GRAMD1B: variants seen among roughly 807,000 people sequenced by gnomAD.
GRAMD1B encodes GRAM domain containing 1B, also known as protein Aster-B.
In GRAMD1B, 37 loss-of-function variants were observed where a neutral mutation model predicts 99.7. The ratio of observed to expected loss-of-function variants is 0.37; its 90% CI spans 0.29 to 0.49. The LOEUF (loss-of-function observed/expected upper bound fraction) is 0.49, where lower values mean the gene tolerates loss of function less well. Among genes scored for constraint, GRAMD1B ranks in the 20% least tolerant of loss-of-function variants. The pLI, the probability that GRAMD1B is intolerant of heterozygous loss-of-function variation, is 0.98. For missense variants in GRAMD1B, 888 were observed against 1,009.2 expected, an observed-to-expected ratio of 0.88 and a Z score of 1.63; for synonymous variants, 427 against 387.6, an observed-to-expected ratio of 1.10 and a Z score of -1.19.
intron 1 of GRAMD1B, among the ~76,000 whole-genome samples, chr11:123,418,203 C>T (rs1254831656): frequency 6.6e-6 from 1 of 152,208 alleles, no homozygotes; most frequent in Non-Finnish European, 1.5e-5. Flanking sequence ...GACTTGCAGA[C>T]ATCCTTCAAA....
intron 2 of GRAMD1B, among the ~76,000 whole-genome samples, chr11:123,545,447 A>G (rs974107709): frequency 1.6e-4 from 25 of 152,208 alleles, no homozygotes; most frequent in African/African-American, 5.8e-4. Context: ...GACCTAGTCC[A>G]TCAGAATATC....
Position 123,606,655 on chromosome 11 carries a change from C to A in GRAMD1B, c.1370C>A (p.Ser457Tyr), listed in dbSNP as rs747509131. The change falls in exon 11 of 20, where the codon TCC becomes TAC. Residue 457 changes from serine (S) to tyrosine (Y), a missense_variant. By Grantham distance (144) the Ser-to-Tyr change is moderately radical. Transcript: ENST00000635736. The stretch of plus-strand genomic sequence containing the variant: ...GAAGAGGCGCTGGAGGGAGACGGGT[C>A]CCTGGAAAAGGAGCTCGCCATTGAC... Reference protein sequence around the residue: ...LEEEALEGDGSLEKELAIDNI... With the variant: ...LEEEALEGDGYLEKELAIDNI... 8.1e-6 allele frequency: 13 copies of A among 1,612,962 alleles called. No homozygotes were observed. The highest frequency in any genetic ancestry group is 2.7e-5 in the African/African-American group (2 of 74,886).
rs532553054 is a variant in GRAMD1B, at chr11:123,500,436, A to G, written c.452+19543A>G. Among the ~76,000 whole-genome samples the G allele has an allele frequency of 3.9e-5, 6 of 152,332 alleles. No homozygotes were observed. In the East Asian group the frequency reaches 1.2e-3, roughly 29 times the overall value. The stretch of plus-strand genomic sequence containing the variant: ...TCCATACATTTCTTCTTCAGTACCT[A>G]TAGCAAATGGTTATATGCTTGTATG... On this transcript the variant is annotated intron_variant, in intron 2 of 19. Transcript: ENST00000635736.
At chr11:123,519,291 A>T (rs1941968776) in intron 2 of GRAMD1B, among the ~76,000 whole-genome samples, 1 of 152,150 alleles carries the variant, frequency 6.6e-6, no homozygotes, top group African/African-American at 2.4e-5. Flanking sequence ...TGGGGAGAGG[A>T]GAGTGCCAAG....
At chr11:123,578,476 G>A (rs771709294) in intron 3 of GRAMD1B, 31 of 1,396,338 alleles carry the variant, frequency 2.2e-5, no homozygotes, top group Non-Finnish European at 2.0e-5. Context: ...CTCTAGTGTC[G>A]ATCTGTCTGT....
chr11:123,608,606 C>T (rs1248543263), intron 11 of GRAMD1B, 53 bp from the exon 12 acceptor site: 4 of 1,558,946 alleles, frequency 2.6e-6, no homozygotes, highest in East Asian at 4.8e-5. Flanking sequence ...GTCCCTGGGG[C>T]CCCCTCCCCC....
upstream of GRAMD1B, among the ~76,000 whole-genome samples, chr11:123,429,831 T>C (rs546103498): frequency 2.3e-4 from 35 of 152,308 alleles, 1 homozygote; most frequent in South Asian, 6.6e-3. This position sits in a 1 kb window ranked among gnomAD's most constrained non-coding sequence, Gnocchi z 4.0. Context: ...CCTCTGACTA[T>C]ACTCCGGCCT....
At chr11:123,604,478 G>A (rs1952429797) in intron 9 of GRAMD1B, among the ~76,000 whole-genome samples, 1 of 152,204 alleles carries the variant, frequency 6.6e-6, no homozygotes, top group Non-Finnish European at 1.5e-5. Flanking sequence ...GGGAAGATGT[G>A]CCTGTAGACT....
chr11:123,611,271 G>GA (rs1036562548), intron 14 of GRAMD1B, among the ~76,000 whole-genome samples: 2 of 151,560 alleles, frequency 1.3e-5, no homozygotes, highest in East Asian at 1.9e-4. Flanking sequence ...CCCTGTGTCT[G>GA]AAAAAAAATA....
chr11:123,374,706 G>A (rs919134722), intron 1 of GRAMD1B, among the ~76,000 whole-genome samples: 19 of 152,180 alleles, frequency 1.2e-4, no homozygotes, highest in African/African-American at 4.6e-4. Flanking sequence ...TTCAGGGTAG[G>A]GCTAATGAGC....
intron 2 of GRAMD1B, among the ~76,000 whole-genome samples, chr11:123,528,642 C>A (rs1217158365): frequency 6.6e-6 from 1 of 152,136 alleles, no homozygotes; most frequent in Non-Finnish European, 1.5e-5. Flanking sequence ...GGTTACTCCT[C>A]TTCTCTAGTA....
chr11:123,463,796 G>A (rs1460031006), intron 1 of GRAMD1B, among the ~76,000 whole-genome samples: 2 of 152,234 alleles, frequency 1.3e-5, no homozygotes, highest in African/African-American at 4.8e-5. Context: ...AGCACAACAT[G>A]CACGAAGTTG....
At chr11:123,400,904 A>G (rs763123881) in intron 1 of GRAMD1B, among the ~76,000 whole-genome samples, 1 of 152,210 alleles carries the variant, frequency 6.6e-6, no homozygotes, top group African/African-American at 2.4e-5. Context: ...TTTATAGATG[A>G]AAAAGCAAAA....
intron 19 of GRAMD1B, among the ~76,000 whole-genome samples, chr11:123,621,902 CTCTT>C (rs1166235945): frequency 6.7e-6 from 1 of 148,556 alleles, no homozygotes; most frequent in African/African-American, 2.5e-5. Flanking sequence ...CTTTCTTTTT[CTCTT>C]TCTTTCTTTT....
At chr11:123,521,948 A>G (rs1050782283) in intron 2 of GRAMD1B, among the ~76,000 whole-genome samples, 4 of 152,126 alleles carry the variant, frequency 2.6e-5, no homozygotes, top group Non-Finnish European at 4.4e-5. Context: ...CTCATCAAGC[A>G]CTTTAAAATA....
At chr11:123,578,476 G>T (rs771709294) in intron 3 of GRAMD1B, 6 of 1,396,340 alleles carry the variant, frequency 4.3e-6, no homozygotes, top group South Asian at 2.5e-5. Context: ...CTCTAGTGTC[G>T]ATCTGTCTGT....
At chr11:123,433,475 C>G (rs1235087265) in intron 1 of GRAMD1B, among the ~76,000 whole-genome samples, 2 of 152,180 alleles carry the variant, frequency 1.3e-5, no homozygotes, top group African/African-American at 2.4e-5. Flanking sequence ...TCTTGAGATT[C>G]TGCCATATAT....
chr11:123,548,981 C>T (rs1291590311), intron 2 of GRAMD1B, among the ~76,000 whole-genome samples: 3 of 152,196 alleles, frequency 2.0e-5, no homozygotes, highest in African/African-American at 4.8e-5. Flanking sequence ...CTGCCCAGCA[C>T]AGCCTCCCAC....
At position 123,395,402 on chromosome 11, in the gene GRAMD1B, T is replaced by TCCCCAAGTTTCCAATACATC. The variant is rs1159402089; in HGVS notation, c.-176+36607_-176+36626dup. ...AAGGCTCATGTTTCCCTTTATACAT[T>TCCCCAAGTTTCCAATACATC]CCCCAAGTTTCCAATACATCCCCTT... On this transcript the variant is annotated intron_variant, in intron 1 of 20. Coordinates refer to the GRAMD1B transcript ENST00000638157. Among the ~76,000 whole-genome samples, 4 of 152,102 alleles carry TCCCCAAGTTTCCAATACATC rather than the reference T, an allele frequency of 2.6e-5. No homozygotes were observed. In the South Asian group the frequency reaches 8.3e-4, roughly 32 times the overall value.
Sources: allele counts gnomAD v4.1 joint callset (sites outside exome capture counted in the v4.1 genomes callset), GRCh38; gene constraint gnomAD v4.1.1; non-coding constraint Gnocchi (gnomAD v3.1); transcripts MANE v1.5; gene names NCBI Gene and HGNC (gene_info 2026-07-23, HGNC 2026-07-21).